TMEFF2: variants seen among roughly 807,000 people sequenced by gnomAD.
TMEFF2 encodes the protein transmembrane protein with EGF like and two follistatin like domains 2, also known as tomoregulin-2.
Under a neutral mutation model 53.8 loss-of-function variants are expected in TMEFF2, and 28 were observed. The observed-to-expected ratio is 0.52, with a 90% CI of 0.39 to 0.71. The LOEUF (loss-of-function observed/expected upper bound fraction) is 0.71, where lower values mean the gene tolerates loss of function less well. Ranked by LOEUF, TMEFF2 falls within the 30% of genes least tolerant of loss-of-function variation. TMEFF2 has a pLI of 0.00. For missense variants in TMEFF2, 353 were observed against 455.2 expected, an observed-to-expected ratio of 0.78 and a Z score of 2.04; for synonymous variants, 162 against 166.3, an observed-to-expected ratio of 0.97 and a Z score of 0.20.
chr2:192,120,249 T>C (rs1303605608), intron 4 of TMEFF2, among the ~76,000 whole-genome samples: 2 of 152,144 alleles, frequency 1.3e-5, no homozygotes, highest in Non-Finnish European at 2.9e-5. Flanking sequence ...CTTACATTTT[T>C]TTTCTGAAAA....
chr2:192,011,894 CT>C (rs551308799), intron 5 of TMEFF2, among the ~76,000 whole-genome samples: 8 of 149,730 alleles, frequency 5.3e-5, no homozygotes, highest in African/African-American at 4.9e-5. Flanking sequence ...TACATATTAT[CT>C]TTTTTTTTTG....
intron 4 of TMEFF2, among the ~76,000 whole-genome samples, chr2:192,159,589 A>T (rs1690585981): frequency 6.6e-6 from 1 of 152,292 alleles, no homozygotes; most frequent in Non-Finnish European, 1.5e-5. Context: ...AACATCTAAT[A>T]AAATTTGGTA....
At chr2:192,003,210 A>G (rs1686410707) in intron 5 of TMEFF2, among the ~76,000 whole-genome samples, 1 of 152,208 alleles carries the variant, frequency 6.6e-6, no homozygotes, top group Non-Finnish European at 1.5e-5. Context: ...TGCTATTCTA[A>G]AAGTTACTAT....
At chr2:191,969,383 T>C (rs1468670054) in intron 7 of TMEFF2, among the ~76,000 whole-genome samples, 1 of 152,100 alleles carries the variant, frequency 6.6e-6, no homozygotes, top group East Asian at 1.9e-4. Flanking sequence ...AATCAATCCC[T>C]ACCTTAGGTG....
chr2:192,054,454 A>G (rs1687852386), intron 5 of TMEFF2, among the ~76,000 whole-genome samples: 1 of 152,146 alleles, frequency 6.6e-6, no homozygotes, highest in Non-Finnish European at 1.5e-5. Context: ...TCTGAAGTAC[A>G]GTTGCCATGG....
intron 4 of TMEFF2, among the ~76,000 whole-genome samples, chr2:192,133,107 A>G (rs10931526): frequency 0.85 from 123,623 of 146,250 alleles, 53,180 homozygotes; most frequent in Non-Finnish European, 0.95. Flanking sequence ...CAACTCTGGT[A>G]CCAACTTAGA....
At chr2:192,053,912 A>G (rs1373678273) in intron 5 of TMEFF2, among the ~76,000 whole-genome samples, 2 of 152,192 alleles carry the variant, frequency 1.3e-5, no homozygotes, top group South Asian at 2.1e-4. Context: ...GTTAACATAC[A>G]AAGGTACGTT....
At chr2:191,981,842 T>A (rs1326709170) in intron 7 of TMEFF2, among the ~76,000 whole-genome samples, 1 of 152,178 alleles carries the variant, frequency 6.6e-6, no homozygotes, top group African/African-American at 2.4e-5. Context: ...GCTAATTAAA[T>A]CATAAGCTCC....
intron 4 of TMEFF2, among the ~76,000 whole-genome samples, chr2:192,095,055 T>G (rs1405137230): frequency 6.6e-6 from 1 of 152,124 alleles, no homozygotes; most frequent in Non-Finnish European, 1.5e-5. Flanking sequence ...TATTCCAGCA[T>G]CCCACTAGCA....
At chr2:192,053,919 C>G (rs898362103) in intron 5 of TMEFF2, among the ~76,000 whole-genome samples, 13 of 152,084 alleles carry the variant, frequency 8.5e-5, no homozygotes, top group Non-Finnish European at 1.6e-4. Flanking sequence ...TACAAAGGTA[C>G]GTTAACATAC....
chr2:192,004,654 GA>G (rs1412179308), intron 5 of TMEFF2, among the ~76,000 whole-genome samples: 4 of 151,712 alleles, frequency 2.6e-5, no homozygotes, highest in Non-Finnish European at 5.9e-5. Context: ...GATTAAAAAA[GA>G]AAAAGAAAAA....
At chr2:192,151,758 C>T (rs1690394359) in intron 4 of TMEFF2, among the ~76,000 whole-genome samples, 1 of 151,886 alleles carries the variant, frequency 6.6e-6, no homozygotes, top group Admixed American at 6.6e-5. Context: ...ACATTCTCAA[C>T]ATTTTTGCAG....
At chr2:192,173,317 G>T (rs1002898907) in intron 4 of TMEFF2, among the ~76,000 whole-genome samples, 1 of 151,742 alleles carries the variant, frequency 6.6e-6, no homozygotes, top group Non-Finnish European at 1.5e-5. Flanking sequence ...CTATAATAGT[G>T]CTTTCTATAA....
intron 4 of TMEFF2, among the ~76,000 whole-genome samples, chr2:192,077,495 C>A (rs975978621): frequency 6.6e-6 from 1 of 151,968 alleles, no homozygotes; most frequent in East Asian, 1.9e-4. Context: ...TTTTTTTCTT[C>A]CTCAAACTTT....
chr2:192,088,327 T>C (rs1688712823), intron 4 of TMEFF2, among the ~76,000 whole-genome samples: 1 of 152,170 alleles, frequency 6.6e-6, no homozygotes. Flanking sequence ...TAACACTGAC[T>C]ATTTACATGG....
At chr2:192,024,741 A>G (rs1686930916) in intron 5 of TMEFF2, among the ~76,000 whole-genome samples, 1 of 152,334 alleles carries the variant, frequency 6.6e-6, no homozygotes, top group East Asian at 1.9e-4. Context: ...TTATTTATCA[A>G]TCGTCCAATG....
chr2:192,013,632 T>C (rs1267474773), intron 5 of TMEFF2, among the ~76,000 whole-genome samples: 3 of 152,108 alleles, frequency 2.0e-5, no homozygotes, highest in Admixed American at 2.0e-4. Flanking sequence ...CTATTTTTAG[T>C]AGAGACAGGG....
intron 7 of TMEFF2, among the ~76,000 whole-genome samples, chr2:191,987,769 C>A (rs1367754010): frequency 6.6e-6 from 1 of 152,266 alleles, no homozygotes; most frequent in South Asian, 2.1e-4. Flanking sequence ...ATTTGTAAGT[C>A]ATTGGCTCTA....
intron 4 of TMEFF2, among the ~76,000 whole-genome samples, chr2:192,150,115 T>C (rs547394540): frequency 3.3e-5 from 5 of 152,062 alleles, no homozygotes; most frequent in Admixed American, 6.6e-5. Context: ...TTAAAATTAA[T>C]TAAAATATAA....
Sources: gnomAD v4.1 joint callset for allele counts (sites outside exome capture counted in the v4.1 genomes callset) on GRCh38, gnomAD v4.1.1 for gene constraint, MANE v1.5 for transcripts, NCBI Gene and HGNC (gene_info 2026-07-23, HGNC 2026-07-21) for gene names.